The following HSF5 variants were observed in gnomAD, a reference collection of about 807,000 sequenced individuals.
The protein encoded by HSF5 is heat shock factor protein 5.
In HSF5, 5 loss-of-function variants were observed where a neutral mutation model predicts 50.8. That is an observed-to-expected ratio of 0.10 (90% CI 0.05 to 0.21). HSF5 has a LOEUF of 0.21. Among genes scored for constraint, HSF5 ranks in the 10% least tolerant of loss-of-function variants. HSF5 has a pLI of 1.00. For missense variants in HSF5, 564 were observed against 762.6 expected, an observed-to-expected ratio of 0.74 and a Z score of 3.07; for synonymous variants, 307 against 307.4, an observed-to-expected ratio of 1.00 and a Z score of 0.02.
intron 3 of HSF5, among the ~76,000 whole-genome samples, chr17:58,466,484 G>A (rs555035632): frequency 6.6e-6 from 1 of 152,276 alleles, no homozygotes; most frequent in Admixed American, 6.5e-5. Context: ...GTACCCATAA[G>A]CCATATGAAA....
intron 2 of HSF5, among the ~76,000 whole-genome samples, chr17:58,472,904 A>T (rs1012364261): frequency 2.0e-5 from 3 of 152,198 alleles, no homozygotes; most frequent in African/African-American, 7.2e-5. Context: ...CAGCAGCATA[A>T]AAAGGTAGAT....
At chr17:58,477,298 T>C (rs1975029833) in intron 2 of HSF5, among the ~76,000 whole-genome samples, 1 of 151,588 alleles carries the variant, frequency 6.6e-6, no homozygotes, top group Non-Finnish European at 1.5e-5. Flanking sequence ...TTTTGTATTT[T>C]TTTGGTAGAG....
At chr17:58,472,308 C>T (rs1251205077) in intron 2 of HSF5, among the ~76,000 whole-genome samples, 2 of 151,938 alleles carry the variant, frequency 1.3e-5, no homozygotes, top group South Asian at 2.1e-4. Flanking sequence ...CTGTACCCCC[C>T]CCAAAAAAAG....
At chr17:58,469,400 T>C (rs1974915533) in intron 2 of HSF5, among the ~76,000 whole-genome samples, 1 of 152,202 alleles carries the variant, frequency 6.6e-6, no homozygotes, top group African/African-American at 2.4e-5. Context: ...ATAGCTGAGT[T>C]AGTATCTCAG....
At chr17:58,438,248 G>T (rs1274267580) in intron 5 of HSF5, among the ~76,000 whole-genome samples, 6 of 152,066 alleles carry the variant, frequency 3.9e-5, no homozygotes, top group Non-Finnish European at 8.8e-5. Flanking sequence ...TATTACAATT[G>T]CTTACAATAT....
At chr17:58,437,455 TAGA>T (rs1974441583) in intron 5 of HSF5, among the ~76,000 whole-genome samples, 1 of 152,180 alleles carries the variant, frequency 6.6e-6, no homozygotes, top group Non-Finnish European at 1.5e-5. Context: ...TTGAAAAACA[TAGA>T]AGAATACAGA....
At chr17:58,477,179 G>A (rs1431527208) in intron 2 of HSF5, among the ~76,000 whole-genome samples, 2 of 149,868 alleles carry the variant, frequency 1.3e-5, no homozygotes, top group Non-Finnish European at 3.0e-5. Flanking sequence ...GAGTGCAATG[G>A]CGTGATCTTG....
At position 58,488,086 on chromosome 17, in the gene HSF5, C is replaced by A; in HGVS notation, c.189G>T (p.Ala63=). ...PPGPGGGGGT[A]GAGAEPELFK... ...AGAGCTCGGGCTCGGCCCCGGCCCC[C>A]GCAGTCCCGCCACCGCCCCCCGGCC... The change falls in exon 1 of 6, where the codon GCG becomes GCT. Residue 63 remains alanine (A), a synonymous_variant. Transcript: ENST00000323777. This position sits in a 1 kb window ranked among gnomAD's most constrained non-coding sequence, Gnocchi z 4.1. The A allele has an allele frequency of 1.3e-6, 2 of 1,568,294 alleles. No individual in the cohort carries two copies. Among genetic ancestry groups the A allele is most frequent in the Non-Finnish European group, 1.7e-6 (2 of 1,160,910 alleles).
intron 2 of HSF5, chr17:58,476,894 G>C: frequency 1.8e-6 from 2 of 1,092,002 alleles, no homozygotes; most frequent in Non-Finnish European, 2.7e-6. Flanking sequence ...GGTCTCGTCG[G>C]CCCTGTAGTG....
chr17:58,444,639 CAG>C (rs1974535456), intron 5 of HSF5, among the ~76,000 whole-genome samples: 1 of 152,034 alleles, frequency 6.6e-6, no homozygotes, highest in Non-Finnish European at 1.5e-5. Flanking sequence ...TAGAAGAAAA[CAG>C]AGAGAGATAA....
chr17:58,431,661 G>T (rs1567905683), intron 5 of HSF5, among the ~76,000 whole-genome samples: 1 of 152,174 alleles, frequency 6.6e-6, no homozygotes, highest in Non-Finnish European at 1.5e-5. Flanking sequence ...GATATGGAAT[G>T]GTGTCTTTTG....
chr17:58,477,611 C>A (rs1975034876), intron 2 of HSF5, among the ~76,000 whole-genome samples: 1 of 151,990 alleles, frequency 6.6e-6, no homozygotes, highest in South Asian at 2.1e-4. Context: ...AGGTGCCCGT[C>A]ACCACACCCA....
intron 1 of HSF5, among the ~76,000 whole-genome samples, chr17:58,482,436 C>T (rs150682022): frequency 1.6e-3 from 242 of 151,958 alleles, no homozygotes; most frequent in Non-Finnish European, 2.7e-3. Context: ...TGGCCAGGTA[C>T]GGTGGCTCAC....
At chr17:58,487,609 G>C (rs1051962613) in intron 1 of HSF5, 116 bp downstream of exon 1, 11 of 1,286,422 alleles carry the variant, frequency 8.6e-6, no homozygotes, top group Middle Eastern at 5.8e-4. Flanking sequence ...ATGGGTCCCC[G>C]GCGCCTTTCC....
chr17:58,436,947 G>A (rs1190505810), intron 5 of HSF5, among the ~76,000 whole-genome samples: 2 of 152,148 alleles, frequency 1.3e-5, no homozygotes, highest in Non-Finnish European at 2.9e-5. Flanking sequence ...GAAAGATGCC[G>A]TAAAGTGACT....
In HSF5 at chr17:58,426,373, T is replaced by C. The variant is rs117811312; in HGVS notation, c.1721-3943A>G. On this transcript the variant is annotated intron_variant, in intron 5 of 5. Transcript: ENST00000323777. ...AAATCAATAAAAATACAAAAAGACA[T>C]AGACTAGCTTGGTGTTGCTAGAGGT... 3.7e-3 allele frequency among the ~76,000 whole-genome samples: 562 copies of C among 152,222 alleles called. 9 individuals carry two copies. The highest frequency in any genetic ancestry group is 0.027 in the Middle Eastern group (8 of 294).
rs1375841615 is a variant in HSF5 at position 58,422,226 on chromosome 17, A to G, written c.*134T>C. 3 of 639,594 alleles carry G rather than the reference A, an allele frequency of 4.7e-6. No individual in the cohort carries two copies. Among genetic ancestry groups the G allele is most frequent in the Non-Finnish European group, 5.4e-6 (2 of 368,152 alleles). The allele number at this position is 639,594 out of a possible 1,614,324, so 39.6% of individuals were successfully genotyped here. On this transcript the variant is annotated 3_prime_UTR_variant, in exon 6 of 6. Transcript: ENST00000323777. ...AAATTCCCAATTCTCAATTAACAAA[A>G]TTCTCAATTAACGAAACAAAAAATA... is the stretch of plus-strand genomic sequence containing the variant.
At chr17:58,443,407 T>C (rs1429765223) in intron 5 of HSF5, among the ~76,000 whole-genome samples, 1 of 151,974 alleles carries the variant, frequency 6.6e-6, no homozygotes, top group Non-Finnish European at 1.5e-5. Flanking sequence ...AAACATCCAA[T>C]TTCTACCTAC....
At chr17:58,457,933 T>C (rs996662633) in intron 5 of HSF5, among the ~76,000 whole-genome samples, 4 of 152,222 alleles carry the variant, frequency 2.6e-5, no homozygotes, top group Admixed American at 2.0e-4. Context: ...AAGAACCCTA[T>C]GAGTCTGAGC....
Sources: allele counts gnomAD v4.1 joint callset (sites outside exome capture counted in the v4.1 genomes callset), GRCh38; gene constraint gnomAD v4.1.1; non-coding constraint Gnocchi (gnomAD v3.1); transcripts MANE v1.5; gene names NCBI Gene and HGNC (gene_info 2026-07-23, HGNC 2026-07-21).